Variants in MED12L observed in about 807,000 individuals in gnomAD.
MED12L encodes mediator of RNA polymerase II transcription subunit 12-like protein.
MED12L carries 60 observed loss-of-function variants against 281.3 expected under a neutral mutation model. That is an observed-to-expected ratio of 0.21 (90% CI 0.17 to 0.26). The LOEUF is 0.26. Ranked by LOEUF, MED12L falls within the 10% of genes least tolerant of loss-of-function variation. The probability of loss-of-function intolerance (pLI) is 1.00; values close to 1 mark genes in which losing one functional copy is unlikely to be tolerated. For synonymous variants in MED12L, 974 were observed against 987.2 expected (o/e 0.99, Z 0.25); for missense variants, 2,146 against 2,680.9 (o/e 0.80, Z 4.41).
intron 16 of MED12L, among the ~76,000 whole-genome samples, chr3:151,237,718 G>C (rs1489076401): frequency 6.6e-6 from 1 of 152,074 alleles, no homozygotes; most frequent in Non-Finnish European, 1.5e-5. Context: ...TGATCCTGTG[G>C]ATATCAGTCC....
chr3:151,291,650 GA>G (rs1403413149), intron 16 of MED12L, among the ~76,000 whole-genome samples: 1 of 152,084 alleles, frequency 6.6e-6, no homozygotes, highest in Non-Finnish European at 1.5e-5. Flanking sequence ...AGCCAGTTTT[GA>G]AAAAGCAATC....
At chr3:151,108,201 T>G (rs1366832089) in intron 2 of MED12L, among the ~76,000 whole-genome samples, 1 of 135,210 alleles carries the variant, frequency 7.4e-6, no homozygotes, top group Non-Finnish European at 1.5e-5. Context: ...AGTAGCCGAA[T>G]CCTGCTGTAA....
chr3:151,350,445 T>G (rs1221528644), intron 17 of MED12L, among the ~76,000 whole-genome samples: 1 of 152,068 alleles, frequency 6.6e-6, no homozygotes, highest in African/African-American at 2.4e-5. Flanking sequence ...ATTAAAATAT[T>G]GTATTCCATA....
chr3:151,232,008 G>A (rs753279698), intron 16 of MED12L, among the ~76,000 whole-genome samples: 2 of 152,084 alleles, frequency 1.3e-5, no homozygotes, highest in Non-Finnish European at 2.9e-5. Context: ...ATACACACAC[G>A]TGTGTGTGTT....
At chr3:151,314,086 T>C (rs965357241) in intron 16 of MED12L, among the ~76,000 whole-genome samples, 3 of 152,204 alleles carry the variant, frequency 2.0e-5, no homozygotes, top group Non-Finnish European at 2.9e-5. Context: ...GGAGCTTTGC[T>C]CTTCTTTTAA....
chr3:151,213,923 TGAAA>T (rs1321371535), intron 16 of MED12L: 1 of 1,614,042 alleles, frequency 6.2e-7, no homozygotes, highest in African/African-American at 1.3e-5. Flanking sequence ...ACTGACTGGA[TGAAA>T]GAAGTCCAAA....
intron 16 of MED12L, chr3:151,198,760 G>C: frequency 6.2e-7 from 1 of 1,613,600 alleles, no homozygotes; most frequent in East Asian, 2.2e-5. Context: ...CATTATCTTT[G>C]TTTCTGTAGA....
Position 151,166,107 on chromosome 3 carries a change from C to T in MED12L, c.1494+125C>T, listed in dbSNP as rs185283102. The T allele has an allele frequency of 7.5e-5, 53 of 709,690 alleles. No individual in the cohort carries two copies. In the African/African-American group the frequency reaches 9.3e-4, roughly 12 times the overall value. The allele number at this position is 709,690 out of a possible 1,614,324, so 44.0% of individuals were successfully genotyped here. On this transcript the variant is annotated intron_variant, in intron 11 of 44. Coordinates refer to ENST00000687756, the MANE Select transcript of MED12L (RefSeq NM_001393769.1). ...GTAGTATCTTATGAAGACATACACA[C>T]TTGAAATCATTCTATTGTTGGACTA...
Position 151,384,179 on chromosome 3 carries a change from G to A in MED12L, c.4887G>A (p.Glu1629=), listed in dbSNP as rs762721689. The A allele has an allele frequency of 8.7e-6, 14 of 1,613,414 alleles. No individual in the cohort carries two copies. Among genetic ancestry groups the A allele is most frequent in the South Asian group, 2.2e-5 (2 of 90,908 alleles). ...ATGCATCCCCTGGGGGATCTGAAGA[G>A]AACAAGCGTGCATACATGAATTTAG... The part of the protein sequence containing the change: ...LSNASPGGSE[E]NKRAYMNLVK... The change falls in exon 35 of 45, where the codon GAG becomes GAA. Residue 1629 remains glutamate, a synonymous_variant. Coordinates refer to ENST00000687756, the MANE Select transcript of MED12L (RefSeq NM_001393769.1).
chr3:151,258,909 G>A (rs1237472014), intron 16 of MED12L, among the ~76,000 whole-genome samples: 1 of 151,750 alleles, frequency 6.6e-6, no homozygotes, highest in African/African-American at 2.4e-5. Context: ...AGGCTTTGTG[G>A]ATGGGAGCTG....
At chr3:151,199,105 G>C (rs956892282) in intron 16 of MED12L, 1 of 1,613,934 alleles carries the variant, frequency 6.2e-7, no homozygotes, top group Non-Finnish European at 8.5e-7. Flanking sequence ...TATTGATATA[G>C]ATGAGGCAGG....
At chr3:151,183,557 T>C (rs913097475) in intron 11 of MED12L, among the ~76,000 whole-genome samples, 2 of 152,178 alleles carry the variant, frequency 1.3e-5, no homozygotes, top group Admixed American at 6.5e-5. Flanking sequence ...ACACTAGCTG[T>C]TGTTTTGGTT....
chr3:151,397,565 ATTC>A (rs1715141082), intron 39 of MED12L, among the ~76,000 whole-genome samples: 1 of 152,216 alleles, frequency 6.6e-6, no homozygotes. Context: ...GCAGAAAAAA[ATTC>A]TTCTGATAAT....
chr3:151,328,220 G>A (rs764935400), intron 16 of MED12L: 17 of 1,613,316 alleles, frequency 1.1e-5, no homozygotes, highest in Non-Finnish European at 1.4e-5. Context: ...TTGACTGTGA[G>A]TATATGGAAC....
intron 16 of MED12L, among the ~76,000 whole-genome samples, chr3:151,334,414 AAG>A (rs565957421): frequency 1.0e-3 from 157 of 151,912 alleles, no homozygotes; most frequent in African/African-American, 3.4e-3. Context: ...TAGGTACAAA[AAG>A]AGAGTTGTGT....
chr3:151,089,562 C>T (rs1719745533), intron 2 of MED12L, among the ~76,000 whole-genome samples: 1 of 151,116 alleles, frequency 6.6e-6, no homozygotes, highest in African/African-American at 2.4e-5. Flanking sequence ...TTATTCTTGT[C>T]ACCATAAATG....
intron 16 of MED12L, chr3:151,193,870 T>C: frequency 2.3e-6 from 1 of 442,782 alleles, no homozygotes; most frequent in Non-Finnish European, 3.9e-6. Context: ...AGTGGCTAAT[T>C]AGATTTAGAA....
chr3:151,378,430 C>G (rs1019420573), intron 31 of MED12L, among the ~76,000 whole-genome samples: 3 of 152,088 alleles, frequency 2.0e-5, no homozygotes, highest in Non-Finnish European at 4.4e-5. Context: ...TTCCGAGACC[C>G]GCTTTAGACC....
At chr3:151,289,122 C>T in intron 16 of MED12L, among the ~76,000 whole-genome samples, 1 of 152,218 alleles carries the variant, frequency 6.6e-6, no homozygotes, top group Non-Finnish European at 1.5e-5. Flanking sequence ...GAATCACAGG[C>T]ATATGGAAAT....
Sources: allele counts gnomAD v4.1 joint callset (sites outside exome capture counted in the v4.1 genomes callset), GRCh38; gene constraint gnomAD v4.1.1; transcripts MANE v1.5; gene names NCBI Gene and HGNC (gene_info 2026-07-23, HGNC 2026-07-21).